The following ADAM20 variants were observed in gnomAD, a reference collection of about 807,000 sequenced individuals.
The protein encoded by ADAM20 is disintegrin and metalloproteinase domain-containing protein 20.
For synonymous variants in ADAM20, 305 were observed against 310.2 expected, an observed-to-expected ratio of 0.98 and a Z score of 0.18; for missense variants, 871 against 883.2, an observed-to-expected ratio of 0.99 and a Z score of 0.18.
chr14:70,573,432 T>C, the ADAM20 span, among the ~76,000 whole-genome samples: 1 of 151,848 alleles, frequency 6.6e-6, no homozygotes, highest in Non-Finnish European at 1.5e-5. Flanking sequence ...ATTCCAAGGG[T>C]GGGGGACGAA....
upstream of ADAM20, among the ~76,000 whole-genome samples, chr14:70,539,058 C>A (rs535059395): frequency 1.5e-4 from 23 of 152,074 alleles, no homozygotes; most frequent in African/African-American, 5.3e-4. Flanking sequence ...AAAGACAATG[C>A]CAGGTTGGAC....
chr14:70,578,829 G>A, the ADAM20 span, among the ~76,000 whole-genome samples: 1 of 151,944 alleles, frequency 6.6e-6, no homozygotes, highest in Non-Finnish European at 1.5e-5. Flanking sequence ...GTTTTTCAAC[G>A]CTTGCCCCCC....
the ADAM20 span, among the ~76,000 whole-genome samples, chr14:70,572,438 C>T: frequency 2.2e-4 from 34 of 152,090 alleles, no homozygotes; most frequent in African/African-American, 8.0e-4. Flanking sequence ...TCACCATATA[C>T]AAAAATTAAC....
the ADAM20 span, among the ~76,000 whole-genome samples, chr14:70,564,961 T>C: frequency 1.3e-5 from 2 of 151,112 alleles, no homozygotes; most frequent in Admixed American, 6.6e-5. Context: ...GGCAGGAGGA[T>C]TGCTTGAGCC....
chr14:70,559,843 GAAGC>G, the ADAM20 span, among the ~76,000 whole-genome samples: 1 of 152,288 alleles, frequency 6.6e-6, no homozygotes, highest in Non-Finnish European at 1.5e-5. Context: ...AGAAAGGAAA[GAAGC>G]AAGCAAGGGA....
the ADAM20 span, among the ~76,000 whole-genome samples, chr14:70,546,103 C>A: frequency 6.6e-6 from 1 of 152,038 alleles, no homozygotes; most frequent in South Asian, 2.1e-4. Flanking sequence ...CCTGAATGGC[C>A]ACTGTGATCA....
the ADAM20 span, among the ~76,000 whole-genome samples, chr14:70,558,468 G>A: frequency 5.9e-5 from 9 of 152,204 alleles, no homozygotes; most frequent in Middle Eastern, 3.4e-3. Context: ...CTGTGTGCCT[G>A]TGTGTTATAC....
chr14:70,555,514 AGTCT>A, the ADAM20 span, among the ~76,000 whole-genome samples: 2 of 152,138 alleles, frequency 1.3e-5, no homozygotes, highest in Admixed American at 1.3e-4. Flanking sequence ...ACACCCTCTT[AGTCT>A]TTCTTGGGAA....
rs769301571 is a variant in ADAM20, at chr14:70,523,701, C to G, written c.1057G>C (p.Asp353His). 65 of 1,613,938 alleles carry G rather than the reference C, an allele frequency of 4.0e-5. No individual in the cohort carries two copies. The South Asian group carries it at 7.1e-4, about 18-fold the overall frequency. ...ELGHNLGMQHDTQWCVCELQW... is the reference protein window; with the variant it reads ...ELGHNLGMQHHTQWCVCELQW... ...AGCTCGCACACACACCACTGGGTGT[C>G]ATGTTGCATACCCAAATTATGACCA... The change falls in exon 2 of 2, where the codon GAC becomes CAC. Residue 353 changes from aspartate to histidine, a missense_variant. By Grantham distance (81) the Asp-to-His change is moderately conservative. Transcript: ENST00000256389.
At chr14:70,527,794 C>A (rs915541012) in intron 1 of ADAM20, among the ~76,000 whole-genome samples, 1 of 152,082 alleles carries the variant, frequency 6.6e-6, no homozygotes, top group African/African-American at 2.4e-5. Flanking sequence ...TTTTTCTATC[C>A]CTCCCCTACA....
chr14:70,526,875 G>A (rs748372259), intron 1 of ADAM20, among the ~76,000 whole-genome samples: 4 of 152,092 alleles, frequency 2.6e-5, no homozygotes, highest in African/African-American at 7.2e-5. Flanking sequence ...CTCACTCACA[G>A]TCACAGCCTA....
At chr14:70,558,480 T>C in the ADAM20 span, among the ~76,000 whole-genome samples, 2 of 152,068 alleles carry the variant, frequency 1.3e-5, no homozygotes, top group African/African-American at 4.8e-5. Flanking sequence ...GTGTTATACA[T>C]GTATGAATGT....
the ADAM20 span, chr14:70,557,252 T>C: frequency 7.2e-5 from 11 of 152,194 alleles, no homozygotes; most frequent in African/African-American, 2.7e-4. Flanking sequence ...GACGGCACTT[T>C]GTGTGGTCTA....
chr14:70,531,060 G>T (rs540545808), intron 1 of ADAM20, among the ~76,000 whole-genome samples: 4 of 151,956 alleles, frequency 2.6e-5, no homozygotes, highest in Non-Finnish European at 5.9e-5. Context: ...TATTTGAAAA[G>T]ATCAACAAAA....
At chr14:70,538,431 C>A (rs1472234204), upstream of ADAM20, among the ~76,000 whole-genome samples, 6 of 152,202 alleles carry the variant, frequency 3.9e-5, no homozygotes, top group Non-Finnish European at 8.8e-5. Flanking sequence ...TCCACCCTCA[C>A]CCCGATGAAA....
chr14:70,544,909 G>C, the ADAM20 span, among the ~76,000 whole-genome samples: 1 of 151,982 alleles, frequency 6.6e-6, no homozygotes. Flanking sequence ...GCTGGTTCTT[G>C]AAAGTAATAA....
rs1883499081 is a variant in ADAM20 at position 70,523,333 on chromosome 14, T to C, written c.1425A>G (p.Pro475=). ...GATGGGATGTCCCATTGCACCACTC[T>C]GGAAGGTCACATTCACCAACTTGTT... ...CRQQVGECDL[P]EWCNGTSHQC... Residue 475 remains proline, a synonymous_variant, in exon 2 of 2, where the codon CCA becomes CCG. Coordinates refer to ENST00000256389, the MANE Select transcript of ADAM20 (RefSeq NM_003814.5). 4 of 1,613,944 alleles carry C rather than the reference T, an allele frequency of 2.5e-6. No homozygotes were observed. The highest frequency in any genetic ancestry group is 3.4e-6 in the Non-Finnish European group (4 of 1,179,956).
At chr14:70,553,708 G>C in the ADAM20 span, among the ~76,000 whole-genome samples, 1 of 151,218 alleles carries the variant, frequency 6.6e-6, no homozygotes, top group South Asian at 2.1e-4. Context: ...CATTTCAACT[G>C]ATGCTGAAAA....
At chr14:70,553,679 A>G in the ADAM20 span, among the ~76,000 whole-genome samples, 1 of 152,038 alleles carries the variant, frequency 6.6e-6, no homozygotes, top group South Asian at 2.1e-4. Flanking sequence ...AACAGAATGA[A>G]GGGCAAAAAC....
Sources: gnomAD v4.1 joint callset for allele counts (sites outside exome capture counted in the v4.1 genomes callset) on GRCh38, gnomAD v4.1.1 for gene constraint, MANE v1.5 for transcripts, NCBI Gene and HGNC (gene_info 2026-07-23, HGNC 2026-07-21) for gene names.